Variants in SCOC observed in about 807,000 individuals in gnomAD.
SCOC encodes the protein short coiled-coil protein, also known as short coiled coil protein.
Under a neutral mutation model 9.9 loss-of-function variants are expected in SCOC, and 7 were observed. The ratio of observed to expected loss-of-function variants is 0.71; its 90% CI spans 0.40 to 1.33. The LOEUF (loss-of-function observed/expected upper bound fraction) is 1.33. SCOC is among the 40% of genes most tolerant of loss of function. The pLI is 0.01. For synonymous variants in SCOC, 19 were observed against 28.2 expected, an observed-to-expected ratio of 0.67 and a Z score of 1.03; for missense variants, 66 against 89.7, an observed-to-expected ratio of 0.74 and a Z score of 1.07.
At chr4:140,315,663 A>G (rs1355208960) in intron 1 of SCOC, among the ~76,000 whole-genome samples, 1 of 152,188 alleles carries the variant, frequency 6.6e-6, no homozygotes, top group Non-Finnish European at 1.5e-5. Flanking sequence ...TGCACTGTCT[A>G]GTGGAACCAG....
At position 140,309,428 on chromosome 4, in the gene SCOC, A is replaced by T. The variant is rs532178863; in HGVS notation, c.-18-34193A>T. 2.6e-5 allele frequency among the ~76,000 whole-genome samples: 4 copies of T among 152,274 alleles called. No homozygotes were observed. In the East Asian group the frequency reaches 7.7e-4, roughly 29 times the overall value. ...GTGTGCTGGAGAAGTGGCTGCACTC[A>T]GGTCTCTGGCTTCTGCTGGGCCCCC... On this transcript the variant is annotated intron_variant, in intron 1 of 4. Transcript: ENST00000394205.
chr4:140,364,668 G>T (rs548351510), intron 2 of SCOC, among the ~76,000 whole-genome samples: 1 of 152,168 alleles, frequency 6.6e-6, no homozygotes, highest in Admixed American at 6.5e-5. Context: ...AGTCTTAATG[G>T]CTGTACAACA....
At chr4:140,354,509 CTT>C (rs397878492) in intron 2 of SCOC, among the ~76,000 whole-genome samples, 305 of 103,698 alleles carry the variant, frequency 2.9e-3, no homozygotes, top group South Asian at 0.015. Context: ...TCTCAAAGAA[CTT>C]TTTTTTTTTT....
intron 1 of SCOC, among the ~76,000 whole-genome samples, chr4:140,288,268 C>T (rs74756794): frequency 0.07 from 10,699 of 152,022 alleles, 665 homozygotes; most frequent in East Asian, 0.28. Context: ...ACTATGTACA[C>T]GTAGACAAAC....
upstream of SCOC, among the ~76,000 whole-genome samples, chr4:140,339,136 A>T (rs576794003): frequency 4.4e-3 from 670 of 152,304 alleles, 1 homozygote; most frequent in Non-Finnish European, 8.1e-3. Context: ...ACCCCTCAGA[A>T]ATAATGCCAC....
At chr4:140,275,579 A>AT (rs1211087024) in intron 1 of SCOC, among the ~76,000 whole-genome samples, 1 of 152,214 alleles carries the variant, frequency 6.6e-6, no homozygotes, top group Non-Finnish European at 1.5e-5. Context: ...ATTTTGAAAA[A>AT]TTAGATTATT....
upstream of SCOC, among the ~76,000 whole-genome samples, chr4:140,339,760 C>T (rs1256394384): frequency 1.3e-5 from 2 of 152,208 alleles, no homozygotes; most frequent in African/African-American, 4.8e-5. Flanking sequence ...GATACCATCT[C>T]ACACCAGTTA....
intron 1 of SCOC, among the ~76,000 whole-genome samples, chr4:140,377,556 T>C (rs1296007848): frequency 6.6e-6 from 1 of 152,218 alleles, no homozygotes; most frequent in Non-Finnish European, 1.5e-5. Context: ...GGATATTTCA[T>C]ATTTTTTTCT....
intron 1 of SCOC, among the ~76,000 whole-genome samples, chr4:140,267,104 G>A (rs926643998): frequency 2.6e-5 from 4 of 152,178 alleles, no homozygotes; most frequent in Non-Finnish European, 5.9e-5. Flanking sequence ...ACCAAACCCA[G>A]ACCACACCCA....
At chr4:140,344,229 C>T (rs1467721529) in intron 2 of SCOC, among the ~76,000 whole-genome samples, 2 of 152,126 alleles carry the variant, frequency 1.3e-5, no homozygotes, top group Non-Finnish European at 2.9e-5. Flanking sequence ...AACCATGGTT[C>T]ATTCAACATC....
At chr4:140,293,469 T>C in intron 1 of SCOC, 1 of 445,332 alleles carries the variant, frequency 2.2e-6, no homozygotes, top group Non-Finnish European at 4.5e-6. Flanking sequence ...AGTCTTGAGA[T>C]GGAAATGCCG....
upstream of SCOC, among the ~76,000 whole-genome samples, chr4:140,372,185 G>A (rs922058299): frequency 1.3e-5 from 2 of 152,202 alleles, no homozygotes; most frequent in African/African-American, 4.8e-5. Context: ...GATTGGTTCT[G>A]GAGATTGGTT....
intron 1 of SCOC, among the ~76,000 whole-genome samples, chr4:140,265,663 T>C (rs1277089911): frequency 6.6e-6 from 1 of 152,238 alleles, no homozygotes; most frequent in Non-Finnish European, 1.5e-5. Flanking sequence ...AATTTGGTGA[T>C]TGGCACAAGA....
chr4:140,360,355 C>T (rs975270544), intron 2 of SCOC, among the ~76,000 whole-genome samples: 13 of 151,866 alleles, frequency 8.6e-5, no homozygotes, highest in Non-Finnish European at 1.8e-4. Flanking sequence ...AAGTGGCATT[C>T]ACGGTGTCTT....
intron 2 of SCOC, among the ~76,000 whole-genome samples, chr4:140,359,472 G>A (rs1454888614): frequency 1.3e-5 from 2 of 152,066 alleles, no homozygotes; most frequent in Non-Finnish European, 2.9e-5. Flanking sequence ...GTCACACAGC[G>A]TCACTTCCAT....
intron 1 of SCOC, among the ~76,000 whole-genome samples, chr4:140,297,609 C>T (rs1731690007): frequency 1.3e-5 from 2 of 152,254 alleles, no homozygotes; most frequent in South Asian, 2.1e-4. Flanking sequence ...CTTGATTGCA[C>T]CCTGCTGTCA....
intron 2 of SCOC, among the ~76,000 whole-genome samples, chr4:140,348,903 T>A (rs1395486880): frequency 6.6e-6 from 1 of 152,204 alleles, no homozygotes; most frequent in Non-Finnish European, 1.5e-5. Context: ...ATAGCCATCC[T>A]AACAGTTGGG....
At chr4:140,375,086 A>G (rs1398330656) in intron 1 of SCOC, among the ~76,000 whole-genome samples, 1 of 152,212 alleles carries the variant, frequency 6.6e-6, no homozygotes, top group Non-Finnish European at 1.5e-5. Context: ...CAGATGTGAC[A>G]ATAGTTGTGG....
In SCOC at chr4:140,383,699, T is replaced by C. The variant is rs1728632320; in HGVS notation, c.*2595T>C. 1 of 152,188 alleles carries C rather than the reference T, an allele frequency of 6.6e-6. No homozygotes were observed. Among genetic ancestry groups the C allele is most frequent in the East Asian group, 1.9e-4 (1 of 5,190 alleles). The allele number at this position is 152,188 out of a possible 1,614,324, so 9.4% of individuals were successfully genotyped here. A position where few individuals can be genotyped will look rare whatever the true frequency, so the allele number is the denominator to read the frequency against. On this transcript the variant is annotated 3_prime_UTR_variant, in exon 4 of 4. Transcript: ENST00000608372. ...CATGGGAATTGTGAAGACAGTCCAC[T>C]TCCTGCTGGTGTGAATTTGGTGCCC... is the stretch of plus-strand genomic sequence containing the variant.
Sources: allele counts gnomAD v4.1 joint callset (sites outside exome capture counted in the v4.1 genomes callset), GRCh38; gene constraint gnomAD v4.1.1; transcripts MANE v1.5; gene names NCBI Gene and HGNC (gene_info 2026-07-23, HGNC 2026-07-21).